Variants in LAMA2 observed in about 807,000 individuals in gnomAD.
The protein encoded by LAMA2 is laminin subunit alpha-2.
Under a neutral mutation model 364.8 loss-of-function variants are expected in LAMA2, and 269 were observed. That is an observed-to-expected ratio of 0.74 (90% CI 0.67 to 0.82). The LOEUF (loss-of-function observed/expected upper bound fraction) is 0.82. LAMA2 is among the 40% of genes least tolerant of loss of function. The pLI is 0.00. For missense variants in LAMA2, 3,807 were observed against 3,873.2 expected (o/e 0.98, Z 0.45); for synonymous variants, 1,379 against 1,370.6 (o/e 1.01, Z -0.14).
chr6:129,471,760 T>C (rs1206512857), intron 51 of LAMA2, among the ~76,000 whole-genome samples: 1 of 152,036 alleles, frequency 6.6e-6, no homozygotes, highest in African/African-American at 2.4e-5. Context: ...TTTTAAAATC[T>C]TAACTTGCTA....
In LAMA2 at chr6:129,330,591, G is replaced by GTTTTTTTTT. The variant is rs1491387157; in HGVS notation, c.4311+2179_4311+2180insTTTTTTTTT. ...TTGAAGCGTTTTTTTGTTGTTGTTT[G>GTTTTTTTTT]GTTTTTGTTTTTTTTTTTTTTTTTC... On this transcript the variant is annotated intron_variant, in intron 29 of 64. Transcript: ENST00000421865. Among the ~76,000 whole-genome samples the GTTTTTTTTT allele has an allele frequency of 2.4e-3, 199 of 83,700 alleles. 11 individuals carry two copies. Among genetic ancestry groups the GTTTTTTTTT allele is most frequent in the Non-Finnish European group, 3.1e-3 (134 of 43,566 alleles). 54.9% of individuals were successfully genotyped at this position (83,700 alleles called of 152,430 possible). A position where few individuals can be genotyped will look rare whatever the true frequency, so the allele number is the denominator to read the frequency against.
chr6:128,939,869 G>A (rs1244001692), intron 1 of LAMA2, among the ~76,000 whole-genome samples: 1 of 152,158 alleles, frequency 6.6e-6, no homozygotes, highest in East Asian at 1.9e-4. Flanking sequence ...AGTGCTCTGA[G>A]TAAGCCCCAC....
intron 1 of LAMA2, among the ~76,000 whole-genome samples, chr6:128,916,945 T>G (rs1778355207): frequency 6.6e-6 from 1 of 152,216 alleles, no homozygotes; most frequent in Non-Finnish European, 1.5e-5. Flanking sequence ...TGGAAACTTT[T>G]AAGCATTAGG....
At chr6:129,221,968 A>G (rs2115099725) in intron 12 of LAMA2, among the ~76,000 whole-genome samples, 1 of 152,366 alleles carries the variant, frequency 6.6e-6, no homozygotes, top group Admixed American at 6.5e-5. Flanking sequence ...GATGGTCTTT[A>G]TAAGCAATAA....
intron 1 of LAMA2, among the ~76,000 whole-genome samples, chr6:129,022,802 C>A (rs13202820): frequency 6.6e-6 from 1 of 152,068 alleles, no homozygotes; most frequent in African/African-American, 2.4e-5. Context: ...AATAACTCAA[C>A]AAAATAAATA....
At chr6:129,503,045 A>T (rs1244641858) in intron 59 of LAMA2, 46 bp from the exon 60 acceptor site, 2 of 1,531,298 alleles carry the variant, frequency 1.3e-6, no homozygotes, top group East Asian at 4.5e-5. Context: ...TTAGCATGAG[A>T]ATGCTGTTAT....
At position 129,066,038 on chromosome 6, in the gene LAMA2, G is replaced by GTATGTCTTTTT. The variant is rs59543848; in HGVS notation, c.396+6143_396+6144insATGTCTTTTTT. On this transcript the variant is annotated intron_variant, in intron 3 of 64. Transcript: ENST00000421865. Reference sequence around the variant, plus strand: ...TCTTTTGTAAATTGCCCAGTCTCAGGTTTTTTTTTTTTTTTTTTTTTTTTT... The same window carrying GTATGTCTTTTT: ...TCTTTTGTAAATTGCCCAGTCTCAGGTATGTCTTTTTTTTTTTTTTTTTTTTTTTTTTTTTT... Among the ~76,000 whole-genome samples the GTATGTCTTTTT allele has an allele frequency of 3.7e-3, 139 of 37,116 alleles. 30 individuals carry two copies. Among genetic ancestry groups the GTATGTCTTTTT allele is most frequent in the Middle Eastern group, 0.024 (1 of 42 alleles). 24.3% of individuals were successfully genotyped at this position (37,116 alleles called of 152,430 possible). A position where few individuals can be genotyped will look rare whatever the true frequency, so the allele number is the denominator to read the frequency against.
chr6:129,347,622 A>G (rs552210896), intron 30 of LAMA2, among the ~76,000 whole-genome samples: 3 of 152,244 alleles, frequency 2.0e-5, no homozygotes, highest in Non-Finnish European at 4.4e-5. Context: ...TGTTGAGGGG[A>G]GTTTGGAATT....
chr6:129,067,298 T>C (rs4590284), intron 3 of LAMA2, among the ~76,000 whole-genome samples: 144,951 of 152,248 alleles, frequency 0.95, 69,082 homozygotes, highest in East Asian at 0.97. Context: ...TCTTTACCTG[T>C]TTTAATTGTA....
chr6:129,235,952 G>A (rs1017581547), intron 12 of LAMA2, among the ~76,000 whole-genome samples: 5 of 152,142 alleles, frequency 3.3e-5, no homozygotes, highest in African/African-American at 1.2e-4. Flanking sequence ...GAAATACTGT[G>A]CAATGTACTT....
intron 63 of LAMA2, among the ~76,000 whole-genome samples, chr6:129,513,981 C>T (rs1264933122): frequency 2.0e-5 from 3 of 151,984 alleles, no homozygotes; most frequent in African/African-American, 7.3e-5. Context: ...TCACTTTAAA[C>T]AATATCTTTT....
At chr6:129,508,088 G>A (rs1220527913) in intron 62 of LAMA2, among the ~76,000 whole-genome samples, 1 of 152,116 alleles carries the variant, frequency 6.6e-6, no homozygotes, top group Non-Finnish European at 1.5e-5. Context: ...TGTTGATAGT[G>A]ACAATGACTG....
At chr6:129,429,301 T>A (rs187982395) in intron 41 of LAMA2, among the ~76,000 whole-genome samples, 4 of 152,360 alleles carry the variant, frequency 2.6e-5, no homozygotes, top group Admixed American at 6.5e-5. Flanking sequence ...GTATAAATTT[T>A]TGGCATTCCA....
At chr6:129,243,944 A>G (rs1375222063) in intron 12 of LAMA2, among the ~76,000 whole-genome samples, 1 of 151,894 alleles carries the variant, frequency 6.6e-6, no homozygotes, top group Non-Finnish European at 1.5e-5. Context: ...AGAGGGCAGG[A>G]AAAGCAGATA....
At chr6:129,421,636 C>T (rs973970433) in intron 40 of LAMA2, among the ~76,000 whole-genome samples, 4 of 152,124 alleles carry the variant, frequency 2.6e-5, no homozygotes, top group African/African-American at 4.8e-5. Flanking sequence ...TGAAACGGTG[C>T]TTTTCACCCA....
intron 8 of LAMA2, 120 bp downstream of exon 8, chr6:129,154,803 G>A: frequency 2.5e-6 from 2 of 806,618 alleles, no homozygotes; most frequent in South Asian, 1.6e-5. Flanking sequence ...CAAATTAAAA[G>A]GTAAGTAGGA....
rs555067054 is a variant in LAMA2 at position 129,176,480 on chromosome 6, C to T, written c.1307-1226C>T. On this transcript the variant is annotated intron_variant, in intron 9 of 64. Transcript: ENST00000421865. ...TATTCAAATTTTCTGTTTTTTCTTA[C>T]TTCATCTGTAAATACTTAAGATGAG... Among the ~76,000 whole-genome samples, 22 of 152,084 alleles carry T rather than the reference C, an allele frequency of 1.4e-4. 1 individual carries two copies. In the South Asian group the frequency reaches 4.4e-3, roughly 30 times the overall value.
rs148749681 is a variant in LAMA2, at chr6:129,287,881, C to T, written c.2572C>T (p.Pro858Ser). The T allele has an allele frequency of 6.8e-6, 11 of 1,613,968 alleles. No homozygotes were observed. The highest frequency in any genetic ancestry group is 1.7e-5 in the Admixed American group (1 of 60,020). Residue 858 changes from proline (P) to serine (S), a missense_variant, in exon 19 of 65, where the codon CCT becomes TCT. Transcript: ENST00000421865. The stretch of plus-strand genomic sequence containing the variant: ...AGGCTATTTTGGACAACCCTCTGTA[C>T]CTGGAGGATCATGTCAGCCATGCCA... ...AEGYFGQPSV[P>S]GGSCQPCQCN...
intron 34 of LAMA2, among the ~76,000 whole-genome samples, chr6:129,380,413 A>G (rs889237177): frequency 6.6e-6 from 1 of 152,186 alleles, no homozygotes; most frequent in African/African-American, 2.4e-5. Flanking sequence ...AGCTGGATAT[A>G]TGATAAACAA....
Sources: gnomAD v4.1 joint callset for allele counts (sites outside exome capture counted in the v4.1 genomes callset) on GRCh38, gnomAD v4.1.1 for gene constraint, MANE v1.5 for transcripts, NCBI Gene and HGNC (gene_info 2026-07-23, HGNC 2026-07-21) for gene names.